The following NACC2 variants were observed in gnomAD, a reference collection of about 807,000 sequenced individuals.
The protein encoded by NACC2 is NACC family member 2, also known as nucleus accumbens-associated protein 2.
A neutral mutation model predicts 25.1 loss-of-function variants in NACC2; 8 were observed. That is an observed-to-expected ratio of 0.32 (90% confidence interval 0.19 to 0.57). NACC2 has a LOEUF of 0.57. Among genes scored for constraint, NACC2 ranks in the 20% least tolerant of loss-of-function variants. The probability of loss-of-function intolerance (pLI) is 0.89; values close to 1 mark genes in which losing one functional copy is unlikely to be tolerated. For missense variants in NACC2, 644 were observed against 650.2 expected (o/e 0.99, Z 0.10); for synonymous variants, 435 against 294.7 (o/e 1.48, Z -4.88).
intron 1 of NACC2, among the ~76,000 whole-genome samples, chr9:136,057,943 C>G (rs1468952548): frequency 2.0e-5 from 3 of 152,172 alleles, no homozygotes; most frequent in Non-Finnish European, 4.4e-5. Flanking sequence ...GGCGACTTCG[C>G]GGCACACTCT....
At chr9:136,042,647 C>A (rs1840651138) in intron 2 of NACC2, among the ~76,000 whole-genome samples, 1 of 151,776 alleles carries the variant, frequency 6.6e-6, no homozygotes. Flanking sequence ...GACTCACAGA[C>A]ACACACACAC....
In NACC2 at chr9:136,094,913, G is replaced by C. The variant is rs1231674753; in HGVS notation, c.-60+276C>G. Among the ~76,000 whole-genome samples, 6 of 149,188 alleles carry C rather than the reference G, an allele frequency of 4.0e-5. No homozygotes were observed. The South Asian group carries it at 1.0e-3, about 26-fold the overall frequency. ...GGAGCCGGGGTCTCCCCGAACGCGC[G>C]GCGCGGCGTCCCGGCCCGGGGTCGC... is the stretch of plus-strand genomic sequence containing the variant. On this transcript the variant is annotated intron_variant, in intron 1 of 5. Transcript: ENST00000277554.
chr9:136,084,894 C>T lies in NACC2; in HGVS notation c.-60+10295G>A, dbSNP rs537783150. Among the ~76,000 whole-genome samples the T allele has an allele frequency of 5.3e-5, 8 of 152,246 alleles. No individual in the cohort carries two copies. Among genetic ancestry groups the T allele is most frequent in the Admixed American group, 1.3e-4 (2 of 15,298 alleles). Reference sequence around the variant, plus strand: ...AGTCCCGGAAGCAGGCCTACAGAGACAGGAAGTAGAAAGGTGCCTGCCAGG... The same window carrying T: ...AGTCCCGGAAGCAGGCCTACAGAGATAGGAAGTAGAAAGGTGCCTGCCAGG... On this transcript the variant is annotated intron_variant, in intron 1 of 5. Coordinates refer to ENST00000277554, the MANE Select transcript of NACC2 (RefSeq NM_144653.5). The surrounding 1 kb of genome is among the most constrained non-coding windows in gnomAD (Gnocchi z 5.1).
In NACC2 at chr9:136,011,528, T is replaced by C; in HGVS notation, c.1752A>G (p.Ala584=). ...AAARRPEGTY[A]GTL ...CACCCAGCTCCGCTTACAAGGTCCC[T>C]GCATAGGTGCCCTCCGGCCTCCGGG... Residue 584 remains alanine, a synonymous_variant, in exon 6 of 6, where the codon GCA becomes GCG. Transcript: ENST00000277554. The C allele has an allele frequency of 7.1e-7, 1 of 1,405,486 alleles. No individual in the cohort carries two copies. The highest frequency in any genetic ancestry group is 9.2e-7 in the Non-Finnish European group (1 of 1,085,728). The allele number at this position is 1,405,486 out of a possible 1,614,324, so 87.1% of individuals were successfully genotyped here. A position where few individuals can be genotyped will look rare whatever the true frequency, so the allele number is the denominator to read the frequency against.
chr9:136,094,840 G>C (rs1423695953), intron 1 of NACC2, among the ~76,000 whole-genome samples: 12 of 151,590 alleles, frequency 7.9e-5, no homozygotes, highest in Non-Finnish European at 1.2e-4. Flanking sequence ...CGGGTCCCCA[G>C]AAATCCAGGG....
chr9:136,042,921 A>G (rs1057353698), intron 2 of NACC2, among the ~76,000 whole-genome samples: 2 of 141,738 alleles, frequency 1.4e-5, no homozygotes, highest in Non-Finnish European at 3.1e-5. Flanking sequence ...CACAGAGACA[A>G]ACAGACACAC....
intron 2 of NACC2, among the ~76,000 whole-genome samples, chr9:136,016,773 G>A (rs986278526): frequency 1.3e-5 from 2 of 152,198 alleles, no homozygotes; most frequent in East Asian, 1.9e-4. Flanking sequence ...GAGCCTGCTT[G>A]CCGGGCAGGA....
chr9:136,074,840 C>T (rs148963116), intron 1 of NACC2, among the ~76,000 whole-genome samples: 59 of 152,324 alleles, frequency 3.9e-4, no homozygotes, highest in South Asian at 6.2e-4. Context: ...TCGGCGTCTA[C>T]ACCTCACACA....
At chr9:136,089,829 G>A (rs1162355530) in intron 1 of NACC2, among the ~76,000 whole-genome samples, 5 of 151,138 alleles carry the variant, frequency 3.3e-5, no homozygotes, top group African/African-American at 7.3e-5. Context: ...TCTCTCAGCA[G>A]GGGTCAGTGT....
chr9:136,026,104 A>C (rs10125064), intron 2 of NACC2, among the ~76,000 whole-genome samples: 76,175 of 151,486 alleles, frequency 0.5, 20,109 homozygotes, highest in African/African-American at 0.67. Context: ...CTTTGGGAGG[A>C]CGAGGTGGGC....
intron 2 of NACC2, among the ~76,000 whole-genome samples, chr9:136,028,311 G>A (rs557042917): frequency 4.0e-5 from 6 of 151,416 alleles, no homozygotes; most frequent in East Asian, 3.9e-4. Flanking sequence ...GGGCCAGAGA[G>A]TAAATACTTT....
intron 1 of NACC2, among the ~76,000 whole-genome samples, chr9:136,066,157 C>T (rs1588577692): frequency 6.8e-6 from 1 of 147,632 alleles, no homozygotes; most frequent in African/African-American, 2.5e-5. Flanking sequence ...CGTGCCACTG[C>T]ACTCTAGCCT....
At chr9:136,060,695 C>T (rs1475396417) in intron 1 of NACC2, among the ~76,000 whole-genome samples, 3 of 152,248 alleles carry the variant, frequency 2.0e-5, no homozygotes, top group South Asian at 2.1e-4. Flanking sequence ...GGCTGCAGGA[C>T]GCTCCCAGGT....
intron 1 of NACC2, among the ~76,000 whole-genome samples, chr9:136,090,789 G>A (rs1479515475): frequency 6.6e-6 from 1 of 152,144 alleles, no homozygotes; most frequent in Non-Finnish European, 1.5e-5. Context: ...CCCCAGCCCA[G>A]GGCCGGGCTG....
intron 1 of NACC2, among the ~76,000 whole-genome samples, chr9:136,059,139 C>T (rs1840972444): frequency 6.6e-6 from 1 of 152,238 alleles, no homozygotes; most frequent in Non-Finnish European, 1.5e-5. Context: ...CACAGGGTCC[C>T]TGGAGATGAA....
chr9:136,073,976 C>A (rs948594372), intron 1 of NACC2, among the ~76,000 whole-genome samples: 1 of 152,156 alleles, frequency 6.6e-6, no homozygotes, highest in Non-Finnish European at 1.5e-5. Context: ...GGGATTTGCA[C>A]AGACTCCGTC....
At chr9:136,077,588 A>G (rs1268151921) in intron 1 of NACC2, among the ~76,000 whole-genome samples, 1 of 152,200 alleles carries the variant, frequency 6.6e-6, no homozygotes, top group African/African-American at 2.4e-5. Flanking sequence ...ATCCATCAAG[A>G]AAAGGGAAAC....
intron 1 of NACC2, among the ~76,000 whole-genome samples, chr9:136,081,072 G>A (rs150775172): frequency 0.011 from 1,653 of 152,166 alleles, 15 homozygotes; most frequent in Non-Finnish European, 0.017. Flanking sequence ...GATCACGAAC[G>A]GCTGCGGGGA....
chr9:136,085,326 T>C (rs1830368017), intron 1 of NACC2, among the ~76,000 whole-genome samples: 1 of 151,758 alleles, frequency 6.6e-6, no homozygotes, highest in Non-Finnish European at 1.5e-5. Context: ...AAAAAAATTT[T>C]TTTAATTAGC....
Sources: gnomAD v4.1 joint callset for allele counts (sites outside exome capture counted in the v4.1 genomes callset) on GRCh38, gnomAD v4.1.1 for gene constraint, Gnocchi (gnomAD v3.1) non-coding constraint, MANE v1.5 for transcripts, NCBI Gene and HGNC (gene_info 2026-07-23, HGNC 2026-07-21) for gene names.